Variants in FBXO11 observed in about 807,000 individuals in gnomAD.
The protein encoded by FBXO11 is F-box only protein 11.
A neutral mutation model predicts 117.0 loss-of-function variants in FBXO11; 13 were observed. The observed-to-expected ratio is 0.11, with a 90% CI of 0.07 to 0.18. The LOEUF is 0.18. Ranked by LOEUF, FBXO11 falls within the 10% of genes least tolerant of loss-of-function variation. FBXO11 has a pLI of 1.00. For missense variants in FBXO11, 767 were observed against 1,164.4 expected (o/e 0.66, Z 4.97); for synonymous variants, 490 against 380.5 (o/e 1.29, Z -3.35).
chr2:47,821,604 C>T (rs1359233106), intron 13 of FBXO11, among the ~76,000 whole-genome samples: 4 of 148,036 alleles, frequency 2.7e-5, no homozygotes, highest in South Asian at 2.1e-4. Context: ...AGAGAGACTC[C>T]GTCTCAAAAG....
chr2:47,899,441 T>C (rs575623356), intron 1 of FBXO11, among the ~76,000 whole-genome samples: 1 of 152,332 alleles, frequency 6.6e-6, no homozygotes, highest in South Asian at 2.1e-4. Flanking sequence ...ATTAAATATC[T>C]ATCATGTGCT....
At chr2:47,838,387 G>A (rs1272563767) in intron 4 of FBXO11, among the ~76,000 whole-genome samples, 2 of 149,794 alleles carry the variant, frequency 1.3e-5, no homozygotes, top group East Asian at 2.0e-4. Context: ...AGGCTGTTAC[G>A]AAAAATCTGT....
At chr2:47,836,048 G>C (rs1672535945) in intron 4 of FBXO11, 47 bp from the exon 5 acceptor site, 4 of 1,404,092 alleles carry the variant, frequency 2.8e-6, no homozygotes, top group Non-Finnish European at 3.9e-6. Flanking sequence ...ATGTCCTTTA[G>C]ATTAATACAG....
At chr2:47,831,417 G>C (rs568652681) in intron 11 of FBXO11, among the ~76,000 whole-genome samples, 1 of 127,314 alleles carries the variant, frequency 7.9e-6, no homozygotes, top group East Asian at 2.4e-4. Context: ...GTGAAACTCG[G>C]TCTCAAAAAG....
At chr2:47,878,566 A>G (rs1474999843) in intron 1 of FBXO11, among the ~76,000 whole-genome samples, 1 of 151,694 alleles carries the variant, frequency 6.6e-6, no homozygotes. Context: ...CATGTTGGCC[A>G]GGTTGGTCTT....
At chr2:47,867,875 C>G (rs1398474375) in intron 1 of FBXO11, among the ~76,000 whole-genome samples, 1 of 152,094 alleles carries the variant, frequency 6.6e-6, no homozygotes, top group Non-Finnish European at 1.5e-5. Context: ...TAAAAAAACC[C>G]ATTAATTCAT....
At chr2:47,874,807 T>G (rs1675878028) in intron 1 of FBXO11, among the ~76,000 whole-genome samples, 1 of 151,912 alleles carries the variant, frequency 6.6e-6, no homozygotes, top group Non-Finnish European at 1.5e-5. Context: ...AGTGCTAGGA[T>G]TATAGGCATG....
At chr2:47,856,503 A>C (rs1386537734) in intron 1 of FBXO11, among the ~76,000 whole-genome samples, 2 of 152,220 alleles carry the variant, frequency 1.3e-5, no homozygotes, top group Non-Finnish European at 2.9e-5. Flanking sequence ...CCTTGAAAAA[A>C]AGTTATAGAT....
At chr2:47,901,006 G>GAT (rs781008190) in intron 1 of FBXO11, among the ~76,000 whole-genome samples, 27 of 133,488 alleles carry the variant, frequency 2.0e-4, no homozygotes, top group Admixed American at 2.2e-4. Context: ...CCGGTGGGGA[G>GAT]ATATATATAT....
chr2:47,834,452 A>G (rs1672412037), intron 7 of FBXO11, 127 bp downstream of exon 7: 1 of 652,436 alleles, frequency 1.5e-6, no homozygotes, highest in Non-Finnish European at 2.5e-6. Flanking sequence ...AATATGTGTG[A>G]TATCTTCATT....
intron 1 of FBXO11, among the ~76,000 whole-genome samples, chr2:47,885,360 G>A (rs1223901394): frequency 6.6e-6 from 1 of 152,142 alleles, no homozygotes; most frequent in Non-Finnish European, 1.5e-5. Context: ...TTGGGAGGCC[G>A]AGGTGAGTAA....
rs1386647859 is a variant in FBXO11 at position 47,904,610 on chromosome 2, AC to A, written c.232+878del. On this transcript the variant is annotated intron_variant, in intron 1 of 22. Coordinates refer to ENST00000403359, the MANE Select transcript of FBXO11 (RefSeq NM_001190274.2). ...CACACACACACACACACACACACAC[AC>A]ACACACACACAAAATATCCCAAGGG... Among the ~76,000 whole-genome samples, 718 of 138,944 alleles carry A rather than the reference AC, an allele frequency of 5.2e-3. 2 individuals carry two copies. The highest frequency in any genetic ancestry group is 0.01 in the African/African-American group (410 of 40,086). 91.2% of individuals were successfully genotyped at this position (138,944 alleles called of 152,430 possible).
chr2:47,842,508 T>C (rs1385273360), intron 1 of FBXO11, among the ~76,000 whole-genome samples: 3 of 152,160 alleles, frequency 2.0e-5, no homozygotes, highest in Non-Finnish European at 4.4e-5. Context: ...GGGGAGAGTT[T>C]GTAAAAGTGT....
At position 47,905,505 on chromosome 2, in the gene FBXO11, G is replaced by A; in HGVS notation, c.216C>T (p.Asn72=). The part of the protein sequence containing the change: ...PPPPPLPQER[N]NVGERDDDVP... ...CGGCCTTACCCCGCTCGCCGACGTT[G>A]TTCCGCTCCTGAGGCAGCGGCGGAG... Residue 72 remains asparagine, a synonymous_variant, in exon 1 of 23, where the codon AAC becomes AAT. Transcript: ENST00000403359. 8.1e-7 allele frequency: 1 copy of A among 1,233,480 alleles called. No homozygotes were observed. The highest frequency in any genetic ancestry group is 1.0e-6 in the Non-Finnish European group (1 of 989,802). The allele number at this position is 1,233,480 out of a possible 1,614,324, so 76.4% of individuals were successfully genotyped here. A position where few individuals can be genotyped will look rare whatever the true frequency, so the allele number is the denominator to read the frequency against.
intron 16 of FBXO11, among the ~76,000 whole-genome samples, chr2:47,817,041 T>A (rs1163155060): frequency 1.3e-5 from 2 of 152,230 alleles, no homozygotes; most frequent in Non-Finnish European, 2.9e-5. Flanking sequence ...TCTGGATGCA[T>A]CTTCTTCCAA....
intron 1 of FBXO11, among the ~76,000 whole-genome samples, chr2:47,898,372 C>A (rs942985629): frequency 6.6e-6 from 1 of 152,130 alleles, no homozygotes; most frequent in African/African-American, 2.4e-5. Context: ...AAGAAACACA[C>A]CAAACCATGG....
intron 1 of FBXO11, among the ~76,000 whole-genome samples, chr2:47,887,713 T>G (rs1333074604): frequency 2.0e-5 from 3 of 151,908 alleles, no homozygotes; most frequent in African/African-American, 7.3e-5. Context: ...ATACAAAAAT[T>G]AGCCGGGCAT....
intron 1 of FBXO11, among the ~76,000 whole-genome samples, chr2:47,856,682 G>GT (rs1276227575): frequency 6.6e-6 from 1 of 152,142 alleles, no homozygotes; most frequent in Non-Finnish European, 1.5e-5. Context: ...CACTATAGAG[G>GT]TAAAATGTCC....
At chr2:47,886,886 A>G (rs1414288498) in intron 1 of FBXO11, among the ~76,000 whole-genome samples, 1 of 152,236 alleles carries the variant, frequency 6.6e-6, no homozygotes, top group Non-Finnish European at 1.5e-5. Context: ...AAAAAAATTA[A>G]AAATTAACTG....
Sources: gnomAD v4.1 joint callset for allele counts (sites outside exome capture counted in the v4.1 genomes callset) on GRCh38, gnomAD v4.1.1 for gene constraint, MANE v1.5 for transcripts, NCBI Gene and HGNC (gene_info 2026-07-23, HGNC 2026-07-21) for gene names.